Variants in XRCC4 observed in about 807,000 individuals in gnomAD.
XRCC4 encodes the protein X-ray repair cross complementing 4.
A neutral mutation model predicts 39.1 loss-of-function variants in XRCC4; 28 were observed. The observed-to-expected ratio is 0.72, with a 90% CI of 0.53 to 0.98. The LOEUF (loss-of-function observed/expected upper bound fraction) is 0.98. Ranked by LOEUF, XRCC4 falls within the 50% of genes least tolerant of loss-of-function variation. The pLI is 0.00. For missense variants in XRCC4, 350 were observed against 376.4 expected, an observed-to-expected ratio of 0.93 and a Z score of 0.58; for synonymous variants, 123 against 126.4, an observed-to-expected ratio of 0.97 and a Z score of 0.18.
intron 1 of XRCC4, among the ~76,000 whole-genome samples, chr5:83,081,226 T>G (rs529518034): frequency 1.3e-5 from 2 of 152,354 alleles, no homozygotes; most frequent in African/African-American, 2.4e-5. Context: ...CTTTTTACTT[T>G]GTTGCTAGTG....
chr5:83,205,353 T>C (rs1245768989), intron 6 of XRCC4, among the ~76,000 whole-genome samples: 1 of 152,052 alleles, frequency 6.6e-6, no homozygotes, highest in African/African-American at 2.4e-5. Context: ...CTTCTTTCAC[T>C]CTTCAGAAAA....
intron 3 of XRCC4, among the ~76,000 whole-genome samples, chr5:83,176,149 A>T (rs1314271307): frequency 6.6e-6 from 1 of 152,184 alleles, no homozygotes; most frequent in East Asian, 1.9e-4. Context: ...TATACTAAAC[A>T]TTAGAAACCT....
chr5:83,212,730 C>T (rs1462377558), intron 6 of XRCC4, among the ~76,000 whole-genome samples: 2 of 151,602 alleles, frequency 1.3e-5, no homozygotes, highest in Non-Finnish European at 2.9e-5. Context: ...GAGTTCGAGA[C>T]TGACCTGGCC....
chr5:83,285,109 A>G (rs1754687419), intron 7 of XRCC4, among the ~76,000 whole-genome samples: 2 of 152,174 alleles, frequency 1.3e-5, no homozygotes, highest in Admixed American at 1.3e-4. Context: ...TAACCTCTAT[A>G]AATGAAGACA....
At chr5:83,205,594 A>G (rs1299189460) in intron 6 of XRCC4, among the ~76,000 whole-genome samples, 1 of 152,186 alleles carries the variant, frequency 6.6e-6, no homozygotes, top group Non-Finnish European at 1.5e-5. Flanking sequence ...TACTATTAAA[A>G]TAAATGCTTG....
intron 3 of XRCC4, among the ~76,000 whole-genome samples, chr5:83,173,826 A>G (rs939666459): frequency 6.6e-6 from 1 of 152,212 alleles, no homozygotes; most frequent in African/African-American, 2.4e-5. Context: ...GGGACATGGA[A>G]TGTGACAATT....
At chr5:83,112,461 A>G (rs981797500) in intron 3 of XRCC4, among the ~76,000 whole-genome samples, 3 of 152,330 alleles carry the variant, frequency 2.0e-5, no homozygotes, top group Non-Finnish European at 4.4e-5. Context: ...TTTCACACAT[A>G]TTGATACATA....
Position 83,158,648 on chromosome 5 carries a change from A to G in XRCC4, c.316-37122A>G, listed in dbSNP as rs115301866. Among the ~76,000 whole-genome samples, 598 of 152,204 alleles carry G rather than the reference A, an allele frequency of 3.9e-3. 3 individuals are homozygous for G. The highest frequency in any genetic ancestry group is 0.014 in the African/African-American group (575 of 41,538). ...GTTAGGCTTTCAAGATTCATAATAAATACTAAATTTTTTTCTCATAAGACA... is the reference window on the plus strand; with the variant it reads ...GTTAGGCTTTCAAGATTCATAATAAGTACTAAATTTTTTTCTCATAAGACA... On this transcript the variant is annotated intron_variant, in intron 3 of 7. Coordinates refer to ENST00000396027, the MANE Select transcript of XRCC4 (RefSeq NM_003401.5).
At chr5:83,154,563 C>G (rs1490217654) in intron 3 of XRCC4, among the ~76,000 whole-genome samples, 2 of 152,122 alleles carry the variant, frequency 1.3e-5, no homozygotes, top group Non-Finnish European at 2.9e-5. Context: ...ACTCAAGAAC[C>G]AAAATGTAGA....
chr5:83,227,764 C>G (rs558551730), intron 6 of XRCC4, among the ~76,000 whole-genome samples: 6 of 152,088 alleles, frequency 3.9e-5, no homozygotes, highest in African/African-American at 1.4e-4. Flanking sequence ...TTTTTCTATT[C>G]TGTTCTACTC....
chr5:83,253,371 A>G (rs1282380430), intron 6 of XRCC4, among the ~76,000 whole-genome samples: 1 of 151,994 alleles, frequency 6.6e-6, no homozygotes, highest in Non-Finnish European at 1.5e-5. Flanking sequence ...TGTACATGGC[A>G]TTTGCAAACA....
intron 3 of XRCC4, among the ~76,000 whole-genome samples, chr5:83,118,077 C>T (rs776772124): frequency 2.0e-5 from 1 of 49,700 alleles, no homozygotes; most frequent in Non-Finnish European, 4.9e-5. Context: ...CACACACACA[C>T]ATATGTATAT....
chr5:83,307,055 CCT>C (rs1755515603), intron 7 of XRCC4, among the ~76,000 whole-genome samples: 1 of 152,170 alleles, frequency 6.6e-6, no homozygotes, highest in African/African-American at 2.4e-5. Context: ...TCACCTTTCC[CCT>C]GTTAACATAG....
intron 3 of XRCC4, among the ~76,000 whole-genome samples, chr5:83,192,726 T>C (rs1289575904): frequency 1.3e-5 from 2 of 152,320 alleles, no homozygotes; most frequent in East Asian, 1.9e-4. Context: ...AAGATCTGTG[T>C]ACTCTTAATT....
intron 7 of XRCC4, among the ~76,000 whole-genome samples, chr5:83,336,846 G>A (rs937768926): frequency 6.6e-6 from 1 of 152,038 alleles, no homozygotes; most frequent in African/African-American, 2.4e-5. Flanking sequence ...ATATAACTAA[G>A]TTAATGGTGT....
chr5:83,265,997 G>C lies in XRCC4; in HGVS notation c.893+7320G>C, dbSNP rs112348520. On this transcript the variant is annotated intron_variant, in intron 7 of 7. Transcript: ENST00000396027. ...TATAGGAGACTTTTATAATCTTTCT[G>C]AGTTTTAAGTAAAGGGGATTTATCG... Among the ~76,000 whole-genome samples the C allele has an allele frequency of 4.6e-3, 693 of 152,044 alleles. 2 individuals are homozygous for C. Among genetic ancestry groups the C allele is most frequent in the African/African-American group, 0.016 (662 of 41,518 alleles).
chr5:83,100,439 T>G (rs1253023349), intron 1 of XRCC4, among the ~76,000 whole-genome samples: 1 of 152,110 alleles, frequency 6.6e-6, no homozygotes, highest in African/African-American at 2.4e-5. Context: ...GAATATTGAA[T>G]TTTAAACAAA....
At chr5:83,162,880 G>T (rs901475530) in intron 3 of XRCC4, among the ~76,000 whole-genome samples, 2 of 150,234 alleles carry the variant, frequency 1.3e-5, no homozygotes, top group Non-Finnish European at 3.0e-5. Context: ...CTCAGGTCTG[G>T]TGTTAGTCAT....
At chr5:83,290,931 T>C (rs781685330) in intron 7 of XRCC4, among the ~76,000 whole-genome samples, 3 of 151,906 alleles carry the variant, frequency 2.0e-5, no homozygotes, top group Non-Finnish European at 4.4e-5. Flanking sequence ...TTTGTTGTTT[T>C]GTTGGGTTTT....
Sources: allele counts gnomAD v4.1 joint callset (sites outside exome capture counted in the v4.1 genomes callset), GRCh38; gene constraint gnomAD v4.1.1; transcripts MANE v1.5; gene names NCBI Gene and HGNC (gene_info 2026-07-23, HGNC 2026-07-21).